The following USP17L4 variants were observed in gnomAD, a reference collection of about 807,000 sequenced individuals.
USP17L4 encodes inactive ubiquitin carboxyl-terminal hydrolase 17-like protein 4.
In USP17L4, 16 loss-of-function variants were observed where a neutral mutation model predicts 20.2. The ratio of observed to expected loss-of-function variants is 0.79; its 90% CI spans 0.54 to 1.20. USP17L4 has a LOEUF of 1.20. Among genes scored for constraint, USP17L4 ranks in the 50% most tolerant of loss-of-function variants. USP17L4 has a pLI of 0.00. For missense variants in USP17L4, 211 were observed against 316.9 expected (o/e 0.67, Z 2.54); for synonymous variants, 92 against 122.5 (o/e 0.75, Z 1.65).
chr8:7,338,552 C>T lies in USP17L4; in HGVS notation c.1438C>T (p.Pro480Ser). The T allele has an allele frequency of 1.8e-6, 1 of 546,960 alleles. No homozygotes were observed. The allele number at this position is 546,960 out of a possible 1,614,324, so 33.9% of individuals were successfully genotyped here. ...KYKCGMKNHH[P>S]EQQSSLLNLS... The stretch of plus-strand genomic sequence containing the variant: ...CAAGTGTGGGATGAAAAACCACCAT[C>T]CTGAACAGCAAAGCTCCCTGCTAAA... Residue 480 changes from proline (P) to serine (S), a missense_variant, in exon 1 of 1, where the codon CCT becomes TCT. Around this residue, in one of 5 missense-constraint regions of USP17L4, gnomAD observed 140 missense variants for 167.6 expected, o/e 0.84. Coordinates refer to ENST00000526929, the MANE Select transcript of USP17L4 (RefSeq NM_001256874.1).
Sources: allele counts gnomAD v4.1 joint callset, GRCh38; gene constraint gnomAD v4.1.1; regional missense constraint gnomAD v4.1.1; transcripts MANE v1.5; gene names NCBI Gene and HGNC (gene_info 2026-07-23, HGNC 2026-07-21).